LRRTM4: variants seen among roughly 807,000 people sequenced by gnomAD.
The protein encoded by LRRTM4 is leucine rich repeat transmembrane neuronal 4.
A neutral mutation model predicts 47.6 loss-of-function variants in LRRTM4; 25 were observed. The ratio of observed to expected loss-of-function variants is 0.53; its 90% confidence interval spans 0.38 to 0.73. The LOEUF (loss-of-function observed/expected upper bound fraction) is 0.73. Among genes scored for constraint, LRRTM4 ranks in the 30% least tolerant of loss-of-function variants. The pLI, the probability that LRRTM4 is intolerant of heterozygous loss-of-function variation, is 0.00. For missense variants in LRRTM4, 638 were observed against 713.4 expected, an observed-to-expected ratio of 0.89 and a Z score of 1.20; for synonymous variants, 311 against 269.5, an observed-to-expected ratio of 1.15 and a Z score of -1.51.
At chr2:76,920,940 A>ATTAT (rs1207682521) in intron 3 of LRRTM4, among the ~76,000 whole-genome samples, 2 of 152,128 alleles carry the variant, frequency 1.3e-5, no homozygotes, top group Admixed American at 1.3e-4. Context: ...ATTTGCAAAG[A>ATTAT]TTATACTGAG....
At chr2:76,936,930 G>A (rs1402824760) in intron 3 of LRRTM4, among the ~76,000 whole-genome samples, 3 of 118,644 alleles carry the variant, frequency 2.5e-5, no homozygotes, top group African/African-American at 1.0e-4. Flanking sequence ...ACTCCAGCCT[G>A]GGCGACAGAG....
intron 3 of LRRTM4, among the ~76,000 whole-genome samples, chr2:77,497,605 T>C (rs1678412744): frequency 6.6e-6 from 1 of 151,348 alleles, no homozygotes; most frequent in Non-Finnish European, 1.5e-5. Context: ...ACACCCACTA[T>C]ACTATGTACA....
intron 3 of LRRTM4, among the ~76,000 whole-genome samples, chr2:77,229,046 A>G (rs899088449): frequency 2.0e-5 from 3 of 151,612 alleles, no homozygotes; most frequent in Non-Finnish European, 1.5e-5. Context: ...TCTTTATATC[A>G]CTCATCCTAG....
intron 3 of LRRTM4, among the ~76,000 whole-genome samples, chr2:77,165,635 G>A (rs926515447): frequency 1.3e-5 from 2 of 152,094 alleles, no homozygotes; most frequent in African/African-American, 2.4e-5. Flanking sequence ...TTCATCCCTG[G>A]GATGCAAGGC....
chr2:76,970,054 AGAGTT>A, intron 3 of LRRTM4, among the ~76,000 whole-genome samples: 1 of 152,110 alleles, frequency 6.6e-6, no homozygotes, highest in South Asian at 2.1e-4. Flanking sequence ...TGAAACCCAC[AGAGTT>A]AAGTAACTTG....
chr2:77,165,594 C>T (rs527754101), intron 3 of LRRTM4, among the ~76,000 whole-genome samples: 13 of 152,152 alleles, frequency 8.5e-5, no homozygotes, highest in Non-Finnish European at 1.5e-4. Flanking sequence ...AGCAGCACAT[C>T]GAAAAGCTTA....
intron 3 of LRRTM4, among the ~76,000 whole-genome samples, chr2:77,427,068 T>A (rs1277318025): frequency 6.7e-6 from 1 of 150,154 alleles, no homozygotes; most frequent in Non-Finnish European, 1.5e-5. Context: ...AACCTCCGCC[T>A]CCTGGGTTCA....
At chr2:77,270,171 T>G (rs1481214038) in intron 3 of LRRTM4, among the ~76,000 whole-genome samples, 1 of 152,174 alleles carries the variant, frequency 6.6e-6, no homozygotes, top group Non-Finnish European at 1.5e-5. Context: ...CCTTAATAAG[T>G]TATGTATTTG....
chr2:76,981,853 A>T (rs1380723360), intron 3 of LRRTM4, among the ~76,000 whole-genome samples: 1 of 151,974 alleles, frequency 6.6e-6, no homozygotes, highest in Non-Finnish European at 1.5e-5. Context: ...GCAATGGAAC[A>T]TACAATATGA....
At chr2:76,842,468 A>C (rs565332728) in intron 3 of LRRTM4, among the ~76,000 whole-genome samples, 2 of 152,228 alleles carry the variant, frequency 1.3e-5, no homozygotes, top group South Asian at 4.1e-4. Context: ...TGAAAATACC[A>C]TAAGTCGAAA....
At chr2:77,261,879 C>A (rs908006688) in intron 3 of LRRTM4, among the ~76,000 whole-genome samples, 2 of 152,082 alleles carry the variant, frequency 1.3e-5, no homozygotes, top group African/African-American at 4.8e-5. Context: ...GCCTGGATTA[C>A]GGACTGGTAC....
At chr2:77,008,117 A>G (rs377569469) in intron 3 of LRRTM4, among the ~76,000 whole-genome samples, 1 of 152,188 alleles carries the variant, frequency 6.6e-6, no homozygotes, top group Non-Finnish European at 1.5e-5. Context: ...AGAGGCATCA[A>G]TGAAAGAGAC....
intron 3 of LRRTM4, among the ~76,000 whole-genome samples, chr2:77,300,137 A>T (rs1677092303): frequency 6.6e-6 from 1 of 152,164 alleles, no homozygotes; most frequent in Non-Finnish European, 1.5e-5. Flanking sequence ...GGCAAGAGCC[A>T]CTGCACCTGG....
At chr2:77,403,328 T>C (rs2103841081) in intron 3 of LRRTM4, among the ~76,000 whole-genome samples, 1 of 152,098 alleles carries the variant, frequency 6.6e-6, no homozygotes, top group Non-Finnish European at 1.5e-5. Context: ...GAACAAATTT[T>C]ATGTCATGTC....
chr2:76,840,899 A>G (rs1163198806), intron 3 of LRRTM4, among the ~76,000 whole-genome samples: 8 of 151,892 alleles, frequency 5.3e-5, no homozygotes, highest in Non-Finnish European at 7.3e-5. Flanking sequence ...TAGAAATACC[A>G]TTTGACCCAG....
At chr2:76,830,520 G>A (rs1435190050) in intron 3 of LRRTM4, among the ~76,000 whole-genome samples, 3 of 133,310 alleles carry the variant, frequency 2.3e-5, no homozygotes, top group African/African-American at 1.1e-4. Context: ...GTGTGCGTGT[G>A]TGTGTGTGTG....
chr2:77,422,018 G>A (rs1674916592), intron 3 of LRRTM4, among the ~76,000 whole-genome samples: 1 of 152,068 alleles, frequency 6.6e-6, no homozygotes, highest in African/African-American at 2.4e-5. Context: ...AACATGCTGG[G>A]CAGGTTTGTA....
At chr2:77,299,260 C>T (rs1002281821) in intron 3 of LRRTM4, among the ~76,000 whole-genome samples, 9 of 58,718 alleles carry the variant, frequency 1.5e-4, no homozygotes, top group Non-Finnish European at 2.1e-4. Context: ...TATATATATA[C>T]ACACACACAC....
At chr2:77,493,696 G>A (rs899728684) in intron 3 of LRRTM4, among the ~76,000 whole-genome samples, 1 of 152,056 alleles carries the variant, frequency 6.6e-6, no homozygotes, top group Non-Finnish European at 1.5e-5. Flanking sequence ...TCCCCCAAAA[G>A]TTGCAGGACC....
Sources: allele counts gnomAD v4.1 joint callset (sites outside exome capture counted in the v4.1 genomes callset), GRCh38; gene constraint gnomAD v4.1.1; transcripts MANE v1.5; gene names NCBI Gene and HGNC (gene_info 2026-07-23, HGNC 2026-07-21).